Variants in PCDH9 observed in about 807,000 individuals in gnomAD.
PCDH9 encodes protocadherin-9.
PCDH9 carries 24 observed loss-of-function variants against 70.6 expected under a neutral mutation model. The ratio of observed to expected loss-of-function variants is 0.34; its 90% CI spans 0.25 to 0.48. PCDH9 has a LOEUF of 0.48. Among genes scored for constraint, PCDH9 ranks in the 20% least tolerant of loss-of-function variants. The pLI, the probability that PCDH9 is intolerant of heterozygous loss-of-function variation, is 0.99. For missense variants in PCDH9, 1,281 were observed against 1,503.6 expected (o/e 0.85, Z 2.45); for synonymous variants, 562 against 558.5 (o/e 1.01, Z -0.09).
At chr13:66,629,910 G>A (rs571940835) in intron 4 of PCDH9, among the ~76,000 whole-genome samples, 1 of 152,260 alleles carries the variant, frequency 6.6e-6, no homozygotes, top group South Asian at 2.1e-4. Flanking sequence ...AATGCTGGAA[G>A]TCAGAGAACA....
chr13:67,210,828 T>C (rs2089453553), intron 2 of PCDH9: 1 of 152,052 alleles, frequency 6.6e-6, no homozygotes, highest in South Asian at 2.1e-4. Context: ...TTTTATTTTA[T>C]GTGGTAATAC....
At chr13:66,493,892 T>C (rs2138540409) in intron 4 of PCDH9, among the ~76,000 whole-genome samples, 2 of 152,208 alleles carry the variant, frequency 1.3e-5, no homozygotes, top group South Asian at 4.1e-4. Flanking sequence ...ACTGCAATAC[T>C]AAAAAGGTTT....
In PCDH9 at chr13:66,902,262, C is replaced by A. The variant is rs181094760; in HGVS notation, c.3138+1242G>T. On this transcript the variant is annotated intron_variant, in intron 3 of 4. Coordinates refer to ENST00000377865, the MANE Select transcript of PCDH9 (RefSeq NM_203487.3). ...TCATTTCTAAGTATTTAGACCCACA[C>A]AAAGAAAAAGAAATAGAATAAAAAT... 2.2e-3 allele frequency among the ~76,000 whole-genome samples: 326 copies of A among 151,628 alleles called. 1 individual carries two copies. The highest frequency in any genetic ancestry group is 7.6e-3 in the African/African-American group (316 of 41,456).
intron 3 of PCDH9, among the ~76,000 whole-genome samples, chr13:66,844,352 C>T (rs1173677204): frequency 3.3e-5 from 5 of 151,866 alleles, no homozygotes; most frequent in Admixed American, 1.3e-4. Flanking sequence ...TTTGGGAAGC[C>T]GAGGCGAGTG....
intron 4 of PCDH9, among the ~76,000 whole-genome samples, chr13:66,388,307 C>T (rs527601120): frequency 3.3e-5 from 5 of 152,154 alleles, no homozygotes; most frequent in Non-Finnish European, 5.9e-5. Flanking sequence ...AAATAGAATT[C>T]GTGTACATAG....
chr13:66,628,095 G>A (rs1452851117), intron 4 of PCDH9, among the ~76,000 whole-genome samples: 2 of 152,074 alleles, frequency 1.3e-5, no homozygotes, highest in African/African-American at 4.8e-5. Flanking sequence ...ACCCGTATTG[G>A]TAAAAATTAT....
chr13:66,314,344 G>GT (rs1479429842), intron 4 of PCDH9, among the ~76,000 whole-genome samples: 1 of 152,156 alleles, frequency 6.6e-6, no homozygotes, highest in African/African-American at 2.4e-5. Context: ...GAATCGGTAG[G>GT]TTTGGGGGGT....
At chr13:66,573,502 C>A (rs766003378) in intron 4 of PCDH9, among the ~76,000 whole-genome samples, 5 of 152,014 alleles carry the variant, frequency 3.3e-5, no homozygotes, top group Admixed American at 6.6e-5. Context: ...TTTGCCTGAA[C>A]CTCCTAAATA....
At chr13:66,863,694 G>T (rs1463319744) in intron 3 of PCDH9, among the ~76,000 whole-genome samples, 1 of 152,194 alleles carries the variant, frequency 6.6e-6, no homozygotes, top group African/African-American at 2.4e-5. Context: ...CACCGTGTTA[G>T]CCAGATGGTC....
intron 4 of PCDH9, among the ~76,000 whole-genome samples, chr13:66,541,535 C>G (rs557689336): frequency 1.3e-5 from 2 of 152,158 alleles, no homozygotes; most frequent in South Asian, 2.1e-4. Context: ...TGCTTCGCTT[C>G]TGACAGCCTA....
intron 4 of PCDH9, among the ~76,000 whole-genome samples, chr13:66,387,074 A>C (rs1327802851): frequency 6.6e-6 from 1 of 152,178 alleles, no homozygotes; most frequent in African/African-American, 2.4e-5. Context: ...AGGATAATAT[A>C]CCAGTTTTGA....
intron 2 of PCDH9, among the ~76,000 whole-genome samples, chr13:66,936,222 T>G (rs1455959815): frequency 6.6e-6 from 1 of 152,174 alleles, no homozygotes; most frequent in Non-Finnish European, 1.5e-5. Context: ...ACTCAATCAG[T>G]CTCATTTGGA....
At chr13:66,326,135 C>CA in intron 4 of PCDH9, among the ~76,000 whole-genome samples, 1 of 152,182 alleles carries the variant, frequency 6.6e-6, no homozygotes, top group South Asian at 2.1e-4. Context: ...ACGAGGACAA[C>CA]AAAATTATTT....
At position 67,225,633 on chromosome 13, in the gene PCDH9, G is replaced by C. The variant is rs760314761; in HGVS notation, c.2808C>G (p.Ala936=). 1.2e-6 allele frequency: 2 copies of C among 1,614,130 alleles called. No homozygotes were observed. Among genetic ancestry groups the C allele is most frequent in the Non-Finnish European group, 8.5e-7 (1 of 1,180,006 alleles). The change falls in exon 2 of 5, where the codon GCC becomes GCG. Residue 936 remains alanine, a synonymous_variant. Transcript: ENST00000377865. The stretch of plus-strand genomic sequence containing the variant: ...GTGGAGAAGCAGATTTGTAGTGCTT[G>C]GCCAGGTCAGGACTGTTAGGCTTGA... ...TTFKPNSPDL[A]KHYKSASPQP...
rs2081680474 is a variant in PCDH9, at chr13:66,871,353, C to T, written c.3138+32151G>A. ...TGTATACATATGTAAATAACCTGCA[C>T]ATTGTGCACATGTACCCTAAAACTT... On this transcript the variant is annotated intron_variant, in intron 3 of 4. Transcript: ENST00000377865. Among the ~76,000 whole-genome samples, 3 of 151,050 alleles carry T rather than the reference C, an allele frequency of 2.0e-5. 1 individual carries two copies. In the South Asian group the frequency reaches 6.3e-4, roughly 32 times the overall value.
intron 3 of PCDH9, among the ~76,000 whole-genome samples, chr13:66,810,037 G>A (rs566481770): frequency 3.9e-5 from 6 of 151,956 alleles, no homozygotes; most frequent in Non-Finnish European, 5.9e-5. Context: ...GAGAATATAT[G>A]GGGAAAATGT....
At chr13:66,860,255 A>G (rs1046775947) in intron 3 of PCDH9, among the ~76,000 whole-genome samples, 21 of 152,162 alleles carry the variant, frequency 1.4e-4, no homozygotes, top group African/African-American at 5.1e-4. Context: ...CCCACAGTCC[A>G]TAAGACCTCA....
chr13:66,575,619 GA>G (rs779353584), intron 4 of PCDH9, among the ~76,000 whole-genome samples: 20 of 152,032 alleles, frequency 1.3e-4, no homozygotes, highest in Non-Finnish European at 2.2e-4. Context: ...CTAGGCCTCA[GA>G]ATTCCTTCTT....
intron 3 of PCDH9, among the ~76,000 whole-genome samples, chr13:66,689,584 T>C (rs930201283): frequency 6.6e-6 from 1 of 152,162 alleles, no homozygotes; most frequent in Non-Finnish European, 1.5e-5. Flanking sequence ...CAGCAATAGT[T>C]ATTGCCTTCT....
Sources: gnomAD v4.1 joint callset for allele counts (sites outside exome capture counted in the v4.1 genomes callset) on GRCh38, gnomAD v4.1.1 for gene constraint, MANE v1.5 for transcripts, NCBI Gene and HGNC (gene_info 2026-07-23, HGNC 2026-07-21) for gene names.